The following DMXL2 variants were observed in gnomAD, a reference collection of about 807,000 sequenced individuals.
The protein encoded by DMXL2 is Dmx like 2.
DMXL2 carries 103 observed loss-of-function variants against 331.1 expected under a neutral mutation model. The observed-to-expected ratio is 0.31, with a 90% CI of 0.27 to 0.37. The LOEUF (loss-of-function observed/expected upper bound fraction) is 0.37. Among genes scored for constraint, DMXL2 ranks in the 10% least tolerant of loss-of-function variants. The pLI is 1.00. For synonymous variants in DMXL2, 1,281 were observed against 1,252.1 expected (o/e 1.02, Z -0.49); for missense variants, 3,171 against 3,642.9 (o/e 0.87, Z 3.33).
intron 31 of DMXL2, 55 bp from the exon 32 acceptor site, chr15:51,464,931 C>T: frequency 7.1e-7 from 1 of 1,406,710 alleles, no homozygotes; most frequent in Non-Finnish European, 9.8e-7. Context: ...GATCATCACC[C>T]AAATATTTAT....
chr15:51,594,292 C>A (rs936518277), intron 1 of DMXL2, among the ~76,000 whole-genome samples: 10 of 152,128 alleles, frequency 6.6e-5, no homozygotes, highest in African/African-American at 2.4e-4. Context: ...AACACCTCTA[C>A]ACAAATAAAC....
At chr15:51,541,847 G>A (rs1216957396) in intron 9 of DMXL2, among the ~76,000 whole-genome samples, 2 of 151,988 alleles carry the variant, frequency 1.3e-5, no homozygotes, top group East Asian at 3.9e-4. Context: ...GGGGAAAAAG[G>A]GAAAAGAAAA....
intron 1 of DMXL2, among the ~76,000 whole-genome samples, chr15:51,592,117 C>T (rs979296928): frequency 3.9e-5 from 6 of 151,934 alleles, no homozygotes; most frequent in Admixed American, 6.6e-5. Flanking sequence ...CAAACTACTC[C>T]GAGCTAAAGG....
intron 1 of DMXL2, among the ~76,000 whole-genome samples, chr15:51,592,262 T>C (rs1169648090): frequency 6.6e-6 from 1 of 151,852 alleles, no homozygotes; most frequent in Non-Finnish European, 1.5e-5. Flanking sequence ...AGGAACTACA[T>C]GACGAATGCA....
chr15:51,585,147 C>T lies in DMXL2; in HGVS notation c.88-8966G>A, dbSNP rs2051704347. 3.4e-5 allele frequency among the ~76,000 whole-genome samples: 3 copies of T among 88,832 alleles called. 1 individual carries two copies. The Admixed American group carries it at 4.1e-4, about 12-fold the overall frequency. 58.3% of individuals were successfully genotyped at this position (88,832 alleles called of 152,430 possible). On this transcript the variant is annotated intron_variant, in intron 1 of 43. Coordinates refer to ENST00000560891, the MANE Select transcript of DMXL2 (RefSeq NM_001378457.1). The stretch of plus-strand genomic sequence containing the variant: ...CCTTCTCCTGCCTGATTGCCCTGGC[C>T]AGAACTTCCAACACTATGTTGAATA...
intron 23 of DMXL2, among the ~76,000 whole-genome samples, chr15:51,481,829 A>C (rs576506033): frequency 1.3e-5 from 2 of 152,356 alleles, no homozygotes; most frequent in Non-Finnish European, 2.9e-5. Flanking sequence ...GATTCCCATC[A>C]CTATAGAGTG....
chr15:51,451,499 T>C (rs983696491), intron 42 of DMXL2, 146 bp downstream of exon 42: 1 of 645,204 alleles, frequency 1.5e-6, no homozygotes. Flanking sequence ...CTTTCCAAAT[T>C]TTTAGTCATT....
intron 27 of DMXL2, 60 bp from the exon 28 acceptor site, chr15:51,474,652 C>T (rs2041414464): frequency 3.3e-6 from 5 of 1,504,222 alleles, no homozygotes; most frequent in Non-Finnish European, 4.4e-6. Context: ...AAGGAAAAAA[C>T]ATCCAAATTT....
intron 2 of DMXL2, among the ~76,000 whole-genome samples, chr15:51,572,237 A>G (rs2050719714): frequency 8.2e-6 from 1 of 122,120 alleles, no homozygotes. Flanking sequence ...TAAACCAGGA[A>G]GAAGTTGAAT....
At chr15:51,505,056 C>T (rs12904583) in intron 16 of DMXL2, among the ~76,000 whole-genome samples, 26,429 of 152,140 alleles carry the variant, frequency 0.17, 2,808 homozygotes, top group Non-Finnish European at 0.24. Context: ...TATCTATTCA[C>T]ATATATAAAG....
chr15:51,455,374 A>G, intron 39 of DMXL2, 146 bp from the exon 40 acceptor site: 1 of 723,222 alleles, frequency 1.4e-6, no homozygotes, highest in South Asian at 1.8e-5. Context: ...AAAAAGTCCA[A>G]GTGCTAAAAA....
At chr15:51,568,198 A>G in intron 3 of DMXL2, 1 of 268,550 alleles carries the variant, frequency 3.7e-6, no homozygotes, top group Non-Finnish European at 6.9e-6. Flanking sequence ...ACCAGATATC[A>G]GATAGATATT....
At chr15:51,598,258 A>C (rs1489898538) in intron 1 of DMXL2, among the ~76,000 whole-genome samples, 3 of 152,200 alleles carry the variant, frequency 2.0e-5, no homozygotes, top group African/African-American at 4.8e-5. Context: ...TGTATACCAC[A>C]TTCCCCAAAT....
At chr15:51,532,907 A>G (rs978611437) in intron 13 of DMXL2, among the ~76,000 whole-genome samples, 10 of 152,192 alleles carry the variant, frequency 6.6e-5, no homozygotes, top group Non-Finnish European at 1.2e-4. Context: ...TCTACATGGA[A>G]AAGTCCAAGA....
intron 6 of DMXL2, among the ~76,000 whole-genome samples, chr15:51,554,815 T>A (rs922958087): frequency 6.6e-6 from 1 of 152,176 alleles, no homozygotes; most frequent in Non-Finnish European, 1.5e-5. Context: ...GAAAAGCTTT[T>A]GACGGTTTTG....
chr15:51,520,588 G>A (rs1267659558), intron 13 of DMXL2, among the ~76,000 whole-genome samples: 1 of 152,052 alleles, frequency 6.6e-6, no homozygotes, highest in African/African-American at 2.4e-5. Context: ...CTGACACGGT[G>A]GCTCACACCT....
Position 51,622,394 on chromosome 15 carries a change from A to G in DMXL2, c.87+65T>C, listed in dbSNP as rs567420589. On this transcript the variant is annotated intron_variant, in intron 1 of 43. Coordinates refer to ENST00000560891, the MANE Select transcript of DMXL2 (RefSeq NM_001378457.1). Reference sequence around the variant, plus strand: ...TCCTGAGGAGGCGTGCGCCCTGGACAGGAGGTCCCTGCCCCCGCGTCTGGC... The same window carrying G: ...TCCTGAGGAGGCGTGCGCCCTGGACGGGAGGTCCCTGCCCCCGCGTCTGGC... The G allele has an allele frequency of 5.2e-6, 8 of 1,545,660 alleles. No homozygotes were observed. In the East Asian group the frequency reaches 2.0e-4, roughly 38 times the overall value.
chr15:51,609,284 C>A (rs934373055), intron 1 of DMXL2, among the ~76,000 whole-genome samples: 1 of 152,198 alleles, frequency 6.6e-6, no homozygotes, highest in Non-Finnish European at 1.5e-5. Flanking sequence ...AATTTAAACA[C>A]AAACATGCCA....
At chr15:51,488,953 TATC>T (rs1207443766) in intron 20 of DMXL2, among the ~76,000 whole-genome samples, 1 of 152,216 alleles carries the variant, frequency 6.6e-6, no homozygotes, top group Admixed American at 6.5e-5. Context: ...CATGAGGCAC[TATC>T]ATTATTCCCA....
Sources: gnomAD v4.1 joint callset for allele counts (sites outside exome capture counted in the v4.1 genomes callset) on GRCh38, gnomAD v4.1.1 for gene constraint, MANE v1.5 for transcripts, NCBI Gene and HGNC (gene_info 2026-07-23, HGNC 2026-07-21) for gene names.